The following MYLK variants were observed in gnomAD, a reference collection of about 807,000 sequenced individuals.
MYLK encodes myosin light chain kinase, smooth muscle.
In MYLK, 106 loss-of-function variants were observed where a neutral mutation model predicts 203.4. The observed-to-expected ratio is 0.52, with a 90% CI of 0.45 to 0.61. The LOEUF is 0.61. MYLK is among the 20% of genes least tolerant of loss of function. MYLK has a pLI of 0.00. For synonymous variants in MYLK, 867 were observed against 959.5 expected, an observed-to-expected ratio of 0.90 and a Z score of 1.78; for missense variants, 2,072 against 2,442.3, an observed-to-expected ratio of 0.85 and a Z score of 3.20.
chr3:123,668,992 A>T (rs1292864442), intron 20 of MYLK, among the ~76,000 whole-genome samples: 1 of 152,126 alleles, frequency 6.6e-6, no homozygotes, highest in African/African-American at 2.4e-5. Flanking sequence ...AGATAACTTC[A>T]CCTCTGCAGA....
intron 9 of MYLK, chr3:123,734,477 C>T: frequency 2.4e-6 from 1 of 411,252 alleles, no homozygotes; most frequent in East Asian, 3.8e-5. Context: ...GTTCCCTTCT[C>T]TACTAGTGCC....
At chr3:123,820,929 A>G (rs2065915045) in intron 3 of MYLK, among the ~76,000 whole-genome samples, 1 of 151,980 alleles carries the variant, frequency 6.6e-6, no homozygotes, top group Admixed American at 6.6e-5. Context: ...GGATTTCACC[A>G]TGTTAACCAG....
At chr3:123,638,618 G>T in intron 28 of MYLK, 1 of 370,602 alleles carries the variant, frequency 2.7e-6, no homozygotes, top group Non-Finnish European at 3.7e-6. Context: ...TAATGCCCGT[G>T]CTACTGAGAA....
intron 22 of MYLK, 62 bp downstream of exon 22, chr3:123,666,157 G>T (rs944196940): frequency 4.3e-6 from 7 of 1,613,192 alleles, no homozygotes; most frequent in Middle Eastern, 1.6e-4. Flanking sequence ...CATCCCTTTC[G>T]GTCCAAAGGC....
chr3:123,747,522 T>A (rs1010450663), intron 5 of MYLK, among the ~76,000 whole-genome samples: 1 of 152,182 alleles, frequency 6.6e-6, no homozygotes, highest in Non-Finnish European at 1.5e-5. Flanking sequence ...AGTTTGAGAA[T>A]CACTGTACTA....
chr3:123,746,931 A>C (rs1319884720), intron 5 of MYLK, among the ~76,000 whole-genome samples: 1 of 152,252 alleles, frequency 6.6e-6, no homozygotes, highest in Non-Finnish European at 1.5e-5. Flanking sequence ...TAGAAAAGTT[A>C]GATAAAGGAA....
intron 19 of MYLK, among the ~76,000 whole-genome samples, chr3:123,683,923 GC>G (rs1240885221): frequency 5.3e-5 from 8 of 152,114 alleles, no homozygotes; most frequent in Admixed American, 5.2e-4. Flanking sequence ...TCCCATACGG[GC>G]AAAGGAGCCC....
rs2108577072 is a variant in MYLK, at chr3:123,700,102, A to G, written c.3366T>C (p.Ser1122=). Reference sequence around the variant, plus strand: ...AGATGATGGTGGCTGGGGGGTCAGAAGACACCTGGCACTGGAGCAGCAGCT... The same window carrying G: ...AGATGATGGTGGCTGGGGGGTCAGAGGACACCTGGCACTGGAGCAGCAGCT... ...GKKLLLQCQV[S]SDPPATIIWT... Residue 1122 remains serine, a synonymous_variant, in exon 18 of 34, where the codon TCT becomes TCC. Transcript: ENST00000360304. The G allele has an allele frequency of 6.2e-7, 1 of 1,613,920 alleles. No individual in the cohort carries two copies. The highest frequency in any genetic ancestry group is 2.2e-5 in the East Asian group (1 of 44,848).
intron 20 of MYLK, among the ~76,000 whole-genome samples, chr3:123,673,836 G>A (rs757503780): frequency 1.3e-5 from 2 of 152,178 alleles, no homozygotes; most frequent in African/African-American, 2.4e-5. Flanking sequence ...CAAACTCCAT[G>A]ATGGCTGCTG....
At chr3:123,814,219 A>T (rs1195651679) in intron 3 of MYLK, 1 of 242,694 alleles carries the variant, frequency 4.1e-6, no homozygotes, top group Non-Finnish European at 8.4e-6. Flanking sequence ...GCCTCTAGAA[A>T]AACAAAAGAC....
intron 29 of MYLK, among the ~76,000 whole-genome samples, chr3:123,634,695 G>T (rs960254183): frequency 2.6e-5 from 4 of 152,214 alleles, no homozygotes; most frequent in African/African-American, 7.2e-5. Context: ...GCATTGTGGA[G>T]TAGGGTGAGG....
chr3:123,669,433 T>C (rs2059839028), intron 20 of MYLK, among the ~76,000 whole-genome samples: 1 of 152,102 alleles, frequency 6.6e-6, no homozygotes, highest in African/African-American at 2.4e-5. Flanking sequence ...CTTTTTTTTT[T>C]TTTTCTTTTG....
intron 5 of MYLK, among the ~76,000 whole-genome samples, chr3:123,752,051 A>G (rs1341837906): frequency 6.6e-6 from 1 of 151,954 alleles, no homozygotes; most frequent in Non-Finnish European, 1.5e-5. Flanking sequence ...AGACCATCCT[A>G]AGGAGTCTGA....
In MYLK at chr3:123,739,992, G is replaced by A. The variant is rs143896146; in HGVS notation, c.383C>T (p.Ala128Val). ...AACAACAGGCTGACCAAGCTGCTTC[G>A]CAAAACTTCCTGCAAGAAAAAGAGT... ...TVELTVEGSF[A>V]KQLGQPVVSK... Residue 128 changes from alanine to valine, a missense_variant, in exon 6 of 34, where the codon GCG (alanine) becomes GTG (valine). Physicochemically the swap from Ala to Val is moderately conservative, Grantham distance 64 (BLOSUM62 0). Transcript: ENST00000360304. 6,418 of 1,613,802 alleles carry A rather than the reference G, an allele frequency of 4.0e-3. 373 individuals carry two copies. In the Admixed American group the frequency reaches 0.1, roughly 25 times the overall value.
At chr3:123,749,494 T>C (rs2063131727) in intron 5 of MYLK, among the ~76,000 whole-genome samples, 1 of 152,146 alleles carries the variant, frequency 6.6e-6, no homozygotes. Context: ...ATTTCCATCA[T>C]GTAAGGCCCT....
At chr3:123,638,291 A>T in intron 28 of MYLK, 97 bp from the exon 29 acceptor site, 2 of 1,557,760 alleles carry the variant, frequency 1.3e-6, no homozygotes, top group Non-Finnish European at 1.8e-6. Context: ...CCAACCTGGG[A>T]GGGGCCAGAC....
intron 3 of MYLK, among the ~76,000 whole-genome samples, chr3:123,796,837 T>A (rs2065004831): frequency 1.3e-5 from 2 of 152,204 alleles, no homozygotes; most frequent in East Asian, 1.9e-4. Flanking sequence ...ACTGGTGTAG[T>A]CTTTCTGGAA....
chr3:123,709,482 A>C (rs1178590735), intron 14 of MYLK: 13 of 435,800 alleles, frequency 3.0e-5, no homozygotes, highest in African/African-American at 4.0e-5. Context: ...TTCCAGCTAC[A>C]CTGGCCACAC....
At position 123,827,886 on chromosome 3, in the gene MYLK, G is replaced by A. The variant is rs2700346; in HGVS notation, c.-4+3662C>T. On this transcript the variant is annotated intron_variant, in intron 3 of 33. Transcript: ENST00000360304. ...GAAAAGAAATCAAGAAAGCAAATCC[G>A]ATTTACAATAGCTACTAAAAAAAAA... Among the ~76,000 whole-genome samples the A allele has an allele frequency of 6.7e-5, 10 of 149,264 alleles. No homozygotes were observed. In the South Asian group the frequency reaches 1.1e-3, roughly 16 times the overall value.
Sources: gnomAD v4.1 joint callset for allele counts (sites outside exome capture counted in the v4.1 genomes callset) on GRCh38, gnomAD v4.1.1 for gene constraint, MANE v1.5 for transcripts, NCBI Gene and HGNC (gene_info 2026-07-23, HGNC 2026-07-21) for gene names.